ADAMTS6: variants seen among roughly 807,000 people sequenced by gnomAD.
The protein encoded by ADAMTS6 is A disintegrin and metalloproteinase with thrombospondin motifs 6.
In ADAMTS6, 23 loss-of-function variants were observed where a neutral mutation model predicts 144.3. The ratio of observed to expected loss-of-function variants is 0.16; its 90% confidence interval spans 0.11 to 0.23. The LOEUF is 0.23. ADAMTS6 is among the 10% of genes least tolerant of loss of function. ADAMTS6 has a pLI of 1.00. For missense variants in ADAMTS6, 999 were observed against 1,379.6 expected, an observed-to-expected ratio of 0.72 and a Z score of 4.37; for synonymous variants, 444 against 457.5, an observed-to-expected ratio of 0.97 and a Z score of 0.38.
At chr5:65,345,496 G>C (rs932511252) in intron 7 of ADAMTS6, among the ~76,000 whole-genome samples, 2 of 151,618 alleles carry the variant, frequency 1.3e-5, no homozygotes, top group African/African-American at 4.8e-5. Context: ...CATGATTAGT[G>C]AATCAAAAAA....
chr5:65,418,062 G>A (rs1440383736), intron 7 of ADAMTS6, among the ~76,000 whole-genome samples: 1 of 151,996 alleles, frequency 6.6e-6, no homozygotes, highest in African/African-American at 2.4e-5. Context: ...TAGAAATAAA[G>A]CTGCACACCT....
chr5:65,280,537 G>T (rs1196578133), intron 11 of ADAMTS6, among the ~76,000 whole-genome samples: 1 of 151,976 alleles, frequency 6.6e-6, no homozygotes, highest in South Asian at 2.1e-4. Flanking sequence ...ATATGAGAAA[G>T]CTTGCCCGAT....
intron 9 of ADAMTS6, among the ~76,000 whole-genome samples, chr5:65,317,781 T>C (rs555762589): frequency 1.4e-4 from 22 of 152,172 alleles, no homozygotes; most frequent in African/African-American, 4.3e-4. Context: ...AAAGAAGATA[T>C]ACAAGTGGCA....
chr5:65,240,214 C>G (rs1322267062), intron 15 of ADAMTS6, among the ~76,000 whole-genome samples: 1 of 152,032 alleles, frequency 6.6e-6, no homozygotes, highest in Non-Finnish European at 1.5e-5. Context: ...AAGTGATTCT[C>G]CCGCCTCAGC....
chr5:65,450,284 A>G (rs1758632647), intron 7 of ADAMTS6, among the ~76,000 whole-genome samples: 1 of 152,236 alleles, frequency 6.6e-6, no homozygotes, highest in South Asian at 2.1e-4. Context: ...GATGCCAGGT[A>G]GATAAAGTCA....
chr5:65,183,284 C>T (rs949277620), intron 22 of ADAMTS6, among the ~76,000 whole-genome samples: 1 of 152,168 alleles, frequency 6.6e-6, no homozygotes, highest in Admixed American at 6.5e-5. Context: ...TCCACAGTTT[C>T]ATTTTCCAGT....
intron 9 of ADAMTS6, among the ~76,000 whole-genome samples, chr5:65,302,938 TA>T (rs1263392300): frequency 6.6e-6 from 1 of 152,130 alleles, no homozygotes; most frequent in East Asian, 1.9e-4. Flanking sequence ...CTTCTACTTT[TA>T]AAATCCTATC....
At position 65,214,259 on chromosome 5, in the gene ADAMTS6, T is replaced by C. The variant is rs530716986; in HGVS notation, c.2575+535A>G. The C allele has an allele frequency of 2.6e-5, 7 of 264,838 alleles. No homozygotes were observed. In the East Asian group the frequency reaches 6.2e-4, roughly 23 times the overall value. 16.4% of individuals were successfully genotyped at this position (264,838 alleles called of 1,614,324 possible). A position where few individuals can be genotyped will look rare whatever the true frequency, so the allele number is the denominator to read the frequency against. On this transcript the variant is annotated intron_variant, in intron 20 of 24. Coordinates refer to ENST00000381055, the MANE Select transcript of ADAMTS6 (RefSeq NM_197941.4). The surrounding 1 kb of genome is among the most constrained non-coding windows in gnomAD (Gnocchi z 4.6). ...CTGAGGGACTGTAATGGGGTCAGTATACACCATTAACCCAGAACCCAGATA... is the reference window on the plus strand; with the variant it reads ...CTGAGGGACTGTAATGGGGTCAGTACACACCATTAACCCAGAACCCAGATA...
intron 22 of ADAMTS6, among the ~76,000 whole-genome samples, chr5:65,183,078 T>A (rs962139272): frequency 6.6e-6 from 1 of 152,194 alleles, no homozygotes; most frequent in Admixed American, 6.5e-5. Flanking sequence ...GTAAAAATAG[T>A]AAAGGCACAG....
At chr5:65,421,353 TG>T (rs1253116912) in intron 7 of ADAMTS6, among the ~76,000 whole-genome samples, 1 of 152,206 alleles carries the variant, frequency 6.6e-6, no homozygotes, top group Non-Finnish European at 1.5e-5. Context: ...ACAAAATTCA[TG>T]GCTGACAGTT....
At chr5:65,436,232 A>G (rs1182846911) in intron 7 of ADAMTS6, among the ~76,000 whole-genome samples, 2 of 151,810 alleles carry the variant, frequency 1.3e-5, no homozygotes, top group Non-Finnish European at 2.9e-5. Flanking sequence ...ACACACACAC[A>G]CGCATGCACA....
chr5:65,425,832 C>T (rs1447786998), intron 7 of ADAMTS6, among the ~76,000 whole-genome samples: 1 of 150,100 alleles, frequency 6.7e-6, no homozygotes, highest in Non-Finnish European at 1.5e-5. Context: ...GGCGCGATGT[C>T]GGCTCACTGC....
chr5:65,318,525 C>T (rs1292011418), intron 9 of ADAMTS6, among the ~76,000 whole-genome samples: 1 of 152,154 alleles, frequency 6.6e-6, no homozygotes, highest in African/African-American at 2.4e-5. Context: ...GGTACATATA[C>T]ATAACAGAGT....
chr5:65,398,043 G>C (rs1462899569), intron 7 of ADAMTS6, among the ~76,000 whole-genome samples: 2 of 152,154 alleles, frequency 1.3e-5, no homozygotes, highest in Non-Finnish European at 2.9e-5. Flanking sequence ...TAATGGCCCA[G>C]AATGTGGTCT....
chr5:65,455,009 T>C (rs1392694581), intron 4 of ADAMTS6, among the ~76,000 whole-genome samples: 2 of 152,210 alleles, frequency 1.3e-5, no homozygotes, highest in Non-Finnish European at 2.9e-5. Flanking sequence ...TCCACATCAA[T>C]ATAACTCCAA....
At chr5:65,275,359 GAAAGAAAGAAAGAA>G (rs1762396612) in intron 11 of ADAMTS6, among the ~76,000 whole-genome samples, 1 of 32,768 alleles carries the variant, frequency 3.1e-5, no homozygotes, top group South Asian at 8.2e-4. Flanking sequence ...AGAAGAGAAA[GAAAGAAAGAAAGAA>G]AGAAAGAAAG....
chr5:65,406,682 C>T (rs919449664), intron 7 of ADAMTS6, among the ~76,000 whole-genome samples: 2 of 152,092 alleles, frequency 1.3e-5, no homozygotes, highest in Non-Finnish European at 2.9e-5. Flanking sequence ...GGGAGGATTG[C>T]TTCTTTTCCT....
At chr5:65,383,298 G>T (rs536847602) in intron 7 of ADAMTS6, among the ~76,000 whole-genome samples, 1 of 152,168 alleles carries the variant, frequency 6.6e-6, no homozygotes, top group South Asian at 2.1e-4. Flanking sequence ...TCAAATATTG[G>T]TGAGACTCAA....
intron 12 of ADAMTS6, among the ~76,000 whole-genome samples, chr5:65,263,275 C>T (rs1006897319): frequency 6.6e-6 from 1 of 151,966 alleles, no homozygotes; most frequent in East Asian, 1.9e-4. Flanking sequence ...TAGCTATAGA[C>T]CTCAAAGTCT....
Sources: allele counts gnomAD v4.1 joint callset (sites outside exome capture counted in the v4.1 genomes callset), GRCh38; gene constraint gnomAD v4.1.1; non-coding constraint Gnocchi (gnomAD v3.1); transcripts MANE v1.5; gene names NCBI Gene and HGNC (gene_info 2026-07-23, HGNC 2026-07-21).